Variants in FAM78B observed in about 807,000 individuals in gnomAD.
FAM78B encodes the protein family with sequence similarity 78 member B.
FAM78B carries 10 observed loss-of-function variants against 20.0 expected under a neutral mutation model. That is an observed-to-expected ratio of 0.50 (90% CI 0.31 to 0.85). The LOEUF (loss-of-function observed/expected upper bound fraction) is 0.85. Ranked by LOEUF, FAM78B falls within the 40% of genes least tolerant of loss-of-function variation. The pLI is 0.05. For missense variants in FAM78B, 283 were observed against 345.0 expected, an observed-to-expected ratio of 0.82 and a Z score of 1.42; for synonymous variants, 135 against 132.8, an observed-to-expected ratio of 1.02 and a Z score of -0.12.
chr1:166,106,751 T>C lies in FAM78B; in HGVS notation c.264-35988A>G, dbSNP rs141861337. On this transcript the variant is annotated intron_variant, in intron 1 of 1. Transcript: ENST00000354422. ...AGAGAGGGAGGGAAGGAAGCAAGAG[T>C]TGAAAAACTAACAATTGGGTATTAT... Among the ~76,000 whole-genome samples, 155 of 151,030 alleles carry C rather than the reference T, an allele frequency of 1.0e-3. 1 individual carries two copies. Among genetic ancestry groups the C allele is most frequent in the African/African-American group, 3.6e-3 (150 of 41,100 alleles).
chr1:166,108,008 C>T (rs1388446183), intron 1 of FAM78B, among the ~76,000 whole-genome samples: 2 of 152,258 alleles, frequency 1.3e-5, no homozygotes, highest in East Asian at 3.9e-4. Flanking sequence ...GTAATAAAAA[C>T]CATCTACGAC....
chr1:166,160,414 C>T (rs988905723), intron 1 of FAM78B, among the ~76,000 whole-genome samples: 2 of 152,198 alleles, frequency 1.3e-5, no homozygotes, highest in South Asian at 2.1e-4. Flanking sequence ...GTAGGTGATA[C>T]GAGAGCAAGG....
At chr1:166,072,057 T>G (rs558926120) in intron 1 of FAM78B, among the ~76,000 whole-genome samples, 1 of 152,344 alleles carries the variant, frequency 6.6e-6, no homozygotes, top group Admixed American at 6.5e-5. Context: ...ACTGCTTTAT[T>G]CATCAGCTAA....
chr1:166,150,201 G>A (rs2101797266), intron 1 of FAM78B, among the ~76,000 whole-genome samples: 1 of 16,074 alleles, frequency 6.2e-5, no homozygotes, highest in South Asian at 0.056. Context: ...TGCACAGTGG[G>A]ACAACGTGCT....
intron 1 of FAM78B, among the ~76,000 whole-genome samples, chr1:166,162,667 A>G (rs1656193623): frequency 6.6e-6 from 1 of 152,166 alleles, no homozygotes; most frequent in African/African-American, 2.4e-5. Flanking sequence ...AGATAGGAAG[A>G]GCTTCCTGAC....
At chr1:166,126,100 C>T (rs1277178679) in intron 1 of FAM78B, among the ~76,000 whole-genome samples, 3 of 152,268 alleles carry the variant, frequency 2.0e-5, no homozygotes, top group Non-Finnish European at 4.4e-5. Context: ...TCCCAAAGTG[C>T]TGGGATTACA....
At chr1:166,061,290 T>C (rs4657512) in intron 2 of FAM78B, among the ~76,000 whole-genome samples, 4 of 152,196 alleles carry the variant, frequency 2.6e-5, no homozygotes, top group South Asian at 2.1e-4. Context: ...CATATGAAGA[T>C]AGTTGCTCTA....
chr1:166,147,531 C>T (rs1485573961), intron 1 of FAM78B, among the ~76,000 whole-genome samples: 1 of 152,194 alleles, frequency 6.6e-6, no homozygotes, highest in African/African-American at 2.4e-5. Flanking sequence ...TATGGGTCTA[C>T]TGCGTTCCCC....
intron 1 of FAM78B, among the ~76,000 whole-genome samples, chr1:166,099,845 A>G (rs1653439549): frequency 6.6e-6 from 1 of 152,264 alleles, no homozygotes; most frequent in Non-Finnish European, 1.5e-5. Flanking sequence ...TGAATATTCC[A>G]TTGACAGCAC....
At chr1:166,136,828 G>C (rs1655083254) in intron 1 of FAM78B, among the ~76,000 whole-genome samples, 1 of 152,234 alleles carries the variant, frequency 6.6e-6, no homozygotes, top group Non-Finnish European at 1.5e-5. Context: ...TCCTGAGAGG[G>C]AAGAGGGTCT....
chr1:166,086,805 G>A (rs775344816), intron 1 of FAM78B, among the ~76,000 whole-genome samples: 2 of 152,148 alleles, frequency 1.3e-5, no homozygotes, highest in Non-Finnish European at 2.9e-5. Context: ...GTGCCTGTCT[G>A]CAGTTGGCAG....
chr1:166,097,761 C>T (rs539692893), intron 1 of FAM78B, among the ~76,000 whole-genome samples: 3 of 151,892 alleles, frequency 2.0e-5, no homozygotes, highest in Admixed American at 2.0e-4. Flanking sequence ...CAGACATGCC[C>T]AGCCCCGCCC....
chr1:166,140,207 C>T (rs1442428121), intron 1 of FAM78B, among the ~76,000 whole-genome samples: 1 of 152,188 alleles, frequency 6.6e-6, no homozygotes, highest in Non-Finnish European at 1.5e-5. Flanking sequence ...GCAGGCTACA[C>T]ATTCACTCTT....
rs547081713 is a variant in FAM78B at position 166,133,795 on chromosome 1, G to A, written c.263+32191C>T. On this transcript the variant is annotated intron_variant, in intron 1 of 1. Transcript: ENST00000354422. Reference sequence around the variant, plus strand: ...GCTTCTCCTTCTCTGATGGCCACTCGCGAGGTGCTTACCATTATAATTGCC... The same window carrying A: ...GCTTCTCCTTCTCTGATGGCCACTCACGAGGTGCTTACCATTATAATTGCC... 1.5e-4 allele frequency among the ~76,000 whole-genome samples: 23 copies of A among 152,244 alleles called. 1 individual carries two copies. The South Asian group carries it at 4.2e-3, about 27-fold the overall frequency.
At position 166,144,618 on chromosome 1, in the gene FAM78B, G is replaced by C. The variant is rs146176818; in HGVS notation, c.263+21368C>G. Among the ~76,000 whole-genome samples the C allele has an allele frequency of 1.3e-3, 198 of 152,212 alleles. 1 individual carries two copies. Among genetic ancestry groups the C allele is most frequent in the African/African-American group, 4.6e-3 (192 of 41,524 alleles). ...GTGGGCGGAAAGGGGGGCAGAGTGA[G>C]GTCCCCATTCATCTTAAACTGTACT... On this transcript the variant is annotated intron_variant, in intron 1 of 1. Transcript: ENST00000354422.
chr1:166,068,268 T>C (rs528828496), downstream of FAM78B, among the ~76,000 whole-genome samples: 1 of 152,332 alleles, frequency 6.6e-6, no homozygotes, highest in East Asian at 1.9e-4. Context: ...ACTTTAGCCA[T>C]GGAGCTCTCT....
At chr1:166,063,149 T>C (rs1422960785) in intron 2 of FAM78B, among the ~76,000 whole-genome samples, 1 of 152,200 alleles carries the variant, frequency 6.6e-6, no homozygotes, top group African/African-American at 2.4e-5. Context: ...TCCCTTCTGA[T>C]GGATGAGCCC....
intron 1 of FAM78B, among the ~76,000 whole-genome samples, chr1:166,142,116 C>G (rs1655302885): frequency 2.0e-5 from 3 of 152,134 alleles, no homozygotes; most frequent in Admixed American, 2.0e-4. Flanking sequence ...TTGGGACAGT[C>G]TGCATGGAAG....
chr1:166,115,176 GCT>G (rs1654209494), intron 1 of FAM78B, among the ~76,000 whole-genome samples: 1 of 152,208 alleles, frequency 6.6e-6, no homozygotes, highest in Non-Finnish European at 1.5e-5. Context: ...ACGAAACAAA[GCT>G]CCCACTTCTC....
Sources: gnomAD v4.1 joint callset for allele counts (sites outside exome capture counted in the v4.1 genomes callset) on GRCh38, gnomAD v4.1.1 for gene constraint, MANE v1.5 for transcripts, NCBI Gene and HGNC (gene_info 2026-07-23, HGNC 2026-07-21) for gene names.